The following PLEKHG6 variants were observed in gnomAD, a reference collection of about 807,000 sequenced individuals.
PLEKHG6 encodes the protein pleckstrin homology domain-containing family G member 6.
A neutral mutation model predicts 97.5 loss-of-function variants in PLEKHG6; 91 were observed. The observed-to-expected ratio is 0.93, with a 90% CI of 0.79 to 1.11. The LOEUF is 1.11. PLEKHG6 is among the 50% of genes most tolerant of loss of function. The probability of loss-of-function intolerance (pLI) is 0.00; values close to 1 mark genes in which losing one functional copy is unlikely to be tolerated. For missense variants in PLEKHG6, 1,044 were observed against 1,031.0 expected (o/e 1.01, Z -0.17); for synonymous variants, 466 against 425.5 (o/e 1.10, Z -1.17).
At position 6,317,500 on chromosome 12, in the gene PLEKHG6, C is replaced by A. The variant is rs546054641; in HGVS notation, c.868-47C>A. On this transcript the variant is annotated intron_variant, in intron 8 of 15. Coordinates refer to ENST00000684764, the MANE Select transcript of PLEKHG6 (RefSeq NM_001384598.1). ...GCCTGAGGCTGAGTTCACCACTAGG[C>A]AGGGCAGGAGGGAGCAAACCCTGAG... 4 of 1,611,954 alleles carry A rather than the reference C, an allele frequency of 2.5e-6. No homozygotes were observed. The East Asian group carries it at 8.9e-5, about 36-fold the overall frequency.
At chr12:6,312,422 G>A (rs111660818) in intron 2 of PLEKHG6, 58 bp downstream of exon 2, 3 of 1,509,088 alleles carry the variant, frequency 2.0e-6, no homozygotes, top group Admixed American at 2.3e-5. Flanking sequence ...AGACACCTAG[G>A]CTGTGGAGTC....
Position 6,316,166 on chromosome 12 carries a change from C to A in PLEKHG6, c.607-89C>A. On this transcript the variant is annotated intron_variant, in intron 6 of 15. Coordinates refer to ENST00000684764, the MANE Select transcript of PLEKHG6 (RefSeq NM_001384598.1). The surrounding 1 kb of genome is among the most constrained non-coding windows in gnomAD (Gnocchi z 4.1). The stretch of plus-strand genomic sequence containing the variant: ...CCTTCTTCACCCCCGCCCCTGCTGT[C>A]CAAGCTTAAGGTCCTCACCTTTCCT... The A allele has an allele frequency of 7.5e-7, 1 of 1,331,520 alleles. No homozygotes were observed. Among genetic ancestry groups the A allele is most frequent in the Non-Finnish European group, 1.0e-6 (1 of 986,592 alleles). 82.5% of individuals were successfully genotyped at this position (1,331,520 alleles called of 1,614,324 possible).
rs1947288471 is a variant in PLEKHG6, at chr12:6,312,072, C to T, written c.-68-87C>T. The T allele has an allele frequency of 1.2e-5, 7 of 566,528 alleles. No individual in the cohort carries two copies. In the South Asian group the frequency reaches 1.2e-4, roughly 10 times the overall value. The allele number at this position is 566,528 out of a possible 1,614,324, so 35.1% of individuals were successfully genotyped here. A position where few individuals can be genotyped will look rare whatever the true frequency, so the allele number is the denominator to read the frequency against. ...TCTCCTCCCCCACTATACCCTCCCTCCCAGGCCCCCTACCAGCCTTGGTCT... is the reference window on the plus strand; with the variant it reads ...TCTCCTCCCCCACTATACCCTCCCTTCCAGGCCCCCTACCAGCCTTGGTCT... On this transcript the variant is annotated intron_variant, in intron 1 of 15. Transcript: ENST00000684764.
intron 14 of PLEKHG6, 90 bp downstream of exon 14, chr12:6,326,663 A>G (rs1184214061): frequency 1.6e-6 from 2 of 1,251,604 alleles, no homozygotes; most frequent in African/African-American, 3.1e-5. Context: ...TTTTGGTGGA[A>G]TTGGGAATAG....
chr12:6,325,870 G>A (rs1268159936), intron 13 of PLEKHG6, among the ~76,000 whole-genome samples: 1 of 152,118 alleles, frequency 6.6e-6, no homozygotes, highest in Non-Finnish European at 1.5e-5. Context: ...TCCAGAGTTT[G>A]GTGCCACCAA....
intron 11 of PLEKHG6, 65 bp downstream of exon 11, chr12:6,318,485 G>C: frequency 6.5e-7 from 1 of 1,527,000 alleles, no homozygotes; most frequent in East Asian, 2.3e-5. Context: ...AGGCAGAAAC[G>C]CCGGAAGTGG....
chr12:6,314,901 C>G lies in PLEKHG6; in HGVS notation c.295-104C>G, dbSNP rs138174517. 1.5e-3 allele frequency: 1,552 copies of G among 1,070,068 alleles called. 4 individuals are homozygous for G. Among genetic ancestry groups the G allele is most frequent in the Admixed American group, 2.4e-3 (118 of 49,036 alleles). The allele number at this position is 1,070,068 out of a possible 1,614,324, so 66.3% of individuals were successfully genotyped here. On this transcript the variant is annotated intron_variant, in intron 3 of 15. Transcript: ENST00000684764. ...ATCTCCCATTCCAGACACAGACACA[C>G]GCACACACTTTAACACACATGCACA...
chr12:6,312,800 A>G (rs1947320744), intron 2 of PLEKHG6: 2 of 1,222,978 alleles, frequency 1.6e-6, no homozygotes, highest in African/African-American at 3.1e-5. Flanking sequence ...TAGGGACAGG[A>G]GGGTGCCTGC....
chr12:6,313,458 G>C lies in PLEKHG6; in HGVS notation c.139-171G>C, dbSNP rs368847830. On this transcript the variant is annotated intron_variant, in intron 2 of 15. Transcript: ENST00000684764. The stretch of plus-strand genomic sequence containing the variant: ...TAGCCTTGCCGGCAGTGGCCGCTGT[G>C]ACTCAGGGCAGGAGCAGTCCACACC... Among the ~76,000 whole-genome samples the C allele has an allele frequency of 1.4e-3, 211 of 152,342 alleles. 6 individuals are homozygous for C. In the South Asian group the frequency reaches 0.042, roughly 30 times the overall value.
chr12:6,312,938 G>A, intron 2 of PLEKHG6: 1 of 1,411,164 alleles, frequency 7.1e-7, no homozygotes, highest in Non-Finnish European at 9.3e-7. Context: ...TTCTGCTTGT[G>A]GCTGGGACAT....
chr12:6,316,830 G>A lies in PLEKHG6; in HGVS notation c.756+426G>A, dbSNP rs1377108213. Among the ~76,000 whole-genome samples, 1 of 152,204 alleles carries A rather than the reference G, an allele frequency of 6.6e-6. No individual in the cohort carries two copies. The highest frequency in any genetic ancestry group is 2.4e-5 in the African/African-American group (1 of 41,452). On this transcript the variant is annotated intron_variant, in intron 7 of 15. Transcript: ENST00000684764. This position sits in a 1 kb window ranked among gnomAD's most constrained non-coding sequence, Gnocchi z 4.1. ...TTTCTTCTACAATGTTACCTAGCCAGGAAAATGTGGGCCCTGCAGGAAAAA... is the reference window on the plus strand; with the variant it reads ...TTTCTTCTACAATGTTACCTAGCCAAGAAAATGTGGGCCCTGCAGGAAAAA...
At chr12:6,319,652 C>T in intron 13 of PLEKHG6, 1 of 1,535,784 alleles carries the variant, frequency 6.5e-7, no homozygotes, top group East Asian at 2.4e-5. Flanking sequence ...TGGGAGAGCC[C>T]AAGATACAGC....
chr12:6,317,950 G>T lies in PLEKHG6; in HGVS notation c.1111G>T (p.Gly371Trp). 2 of 1,583,432 alleles carry T rather than the reference G, an allele frequency of 1.3e-6. No homozygotes were observed. The highest frequency in any genetic ancestry group is 4.6e-5 in the East Asian group (2 of 43,790). Residue 371 changes from glycine (G) to tryptophan (W), a missense_variant, in exon 10 of 16, where the codon GGG becomes TGG. Transcript: ENST00000684764. ...CTTGGCGGCTGCAGCACAACGCATC[G>T]GGCCCTACGAGGTGCTGGAGCCACC... ...ESLAAAAQRI[G>W]PYEVLEPPSD...
intron 14 of PLEKHG6, 82 bp from the exon 15 acceptor site, chr12:6,327,172 A>G: frequency 1.2e-6 from 1 of 833,278 alleles, no homozygotes; most frequent in South Asian, 1.7e-5. Context: ...AGGAGGGGCC[A>G]TTTCTGGATG....
Position 6,317,958 on chromosome 12 carries a change from C to A in PLEKHG6, c.1119C>A (p.Tyr373Ter). ...LAAAAQRIGP[Y>*]EVLEPPSDEV... ...CTGCAGCACAACGCATCGGGCCCTACGAGGTGCTGGAGCCACCCAGTGATG... is the reference window on the plus strand; with the variant it reads ...CTGCAGCACAACGCATCGGGCCCTAAGAGGTGCTGGAGCCACCCAGTGATG... The change falls in exon 10 of 16, where the codon TAC becomes TAA. Residue 373 changes from tyrosine (Y) to a stop codon, truncating the protein, a stop_gained. Coordinates refer to ENST00000684764, the MANE Select transcript of PLEKHG6 (RefSeq NM_001384598.1). LOFTEE classifies it high-confidence loss of function. The A allele has an allele frequency of 6.3e-7, 1 of 1,587,296 alleles. No individual in the cohort carries two copies. The highest frequency in any genetic ancestry group is 8.6e-7 in the Non-Finnish European group (1 of 1,167,116).
Position 6,312,304 on chromosome 12 carries a change from G to A in PLEKHG6, c.78G>A (p.Arg26=). The A allele has an allele frequency of 1.3e-6, 2 of 1,570,034 alleles. No homozygotes were observed. Among genetic ancestry groups the A allele is most frequent in the Non-Finnish European group, 8.6e-7 (1 of 1,162,986 alleles). Residue 26 remains arginine, a synonymous_variant, in exon 2 of 16, where the codon CGG becomes CGA. Coordinates refer to ENST00000684764, the MANE Select transcript of PLEKHG6 (RefSeq NM_001384598.1). ...VASRIETYGG[R]HRASAQSTAG... ...CCCGCATTGAGACTTATGGGGGCCG[G>A]CATCGAGCCTCTGCTCAGAGCACTG...
In PLEKHG6 at chr12:6,316,458, G is replaced by A. The variant is rs558085063; in HGVS notation, c.756+54G>A. 3 of 1,490,946 alleles carry A rather than the reference G, an allele frequency of 2.0e-6. No homozygotes were observed. The South Asian group carries it at 3.9e-5, about 19-fold the overall frequency. The allele number at this position is 1,490,946 out of a possible 1,614,324, so 92.4% of individuals were successfully genotyped here. On this transcript the variant is annotated intron_variant, in intron 7 of 15. Transcript: ENST00000684764. This position sits in a 1 kb window ranked among gnomAD's most constrained non-coding sequence, Gnocchi z 4.1. ...TGGGGCAGGACTCGGAGCCCTCGGG[G>A]GTCCTGTGTGTAGGGCATGCCCACA... is the stretch of plus-strand genomic sequence containing the variant.
At chr12:6,314,890 A>C (rs1947399176) in intron 3 of PLEKHG6, 115 bp from the exon 4 acceptor site, 1 of 966,042 alleles carries the variant, frequency 1.0e-6, no homozygotes, top group Admixed American at 2.2e-5. Flanking sequence ...CCCATTCCAG[A>C]CACAGACACA....
chr12:6,326,637 T>C (rs1947867666), intron 14 of PLEKHG6, 64 bp downstream of exon 14: 1 of 1,351,608 alleles, frequency 7.4e-7, no homozygotes, highest in Non-Finnish European at 9.7e-7. Context: ...GGCTGAGAAA[T>C]GGCATTACTG....
Sources: gnomAD v4.1 joint callset for allele counts (sites outside exome capture counted in the v4.1 genomes callset) on GRCh38, gnomAD v4.1.1 for gene constraint, Gnocchi (gnomAD v3.1) non-coding constraint, MANE v1.5 for transcripts, NCBI Gene and HGNC (gene_info 2026-07-23, HGNC 2026-07-21) for gene names.